The following LMO1 variants were observed in gnomAD, a reference collection of about 807,000 sequenced individuals.
The protein encoded by LMO1 is rhombotin-1.
Under a neutral mutation model 18.0 loss-of-function variants are expected in LMO1, and 10 were observed. The observed-to-expected ratio is 0.55, with a 90% CI of 0.34 to 0.94. LMO1 has a LOEUF of 0.94. Among genes scored for constraint, LMO1 ranks in the 40% least tolerant of loss-of-function variants. The pLI is 0.02. For synonymous variants in LMO1, 77 were observed against 77.9 expected (o/e 0.99, Z 0.06); for missense variants, 183 against 205.7 (o/e 0.89, Z 0.68).
chr11:8,261,720 T>C (rs7926148), intron 1 of LMO1, among the ~76,000 whole-genome samples: 3,357 of 152,174 alleles, frequency 0.022, 110 homozygotes, highest in African/African-American at 0.072. Context: ...CATGGGGAGT[T>C]CGTGATGAAA....
upstream of LMO1, among the ~76,000 whole-genome samples, chr11:8,264,852 C>T (rs753776261): frequency 5.1e-4 from 77 of 152,122 alleles, no homozygotes; most frequent in Non-Finnish European, 9.3e-4. Flanking sequence ...AGGCTGGTCT[C>T]GAACTCCTGA....
chr11:8,262,144 G>A (rs140029543), intron 1 of LMO1, among the ~76,000 whole-genome samples: 1 of 152,348 alleles, frequency 6.6e-6, no homozygotes, highest in African/African-American at 2.4e-5. Flanking sequence ...CGCTGCCCCA[G>A]GGACAGAGGG....
intron 1 of LMO1, among the ~76,000 whole-genome samples, chr11:8,263,080 C>T (rs1003538593): frequency 2.0e-5 from 3 of 151,766 alleles, no homozygotes; most frequent in African/African-American, 7.2e-5. Flanking sequence ...CACAGCTCCT[C>T]GGCTCGCGGC....
intron 1 of LMO1, among the ~76,000 whole-genome samples, chr11:8,252,539 A>C (rs1269763985): frequency 1.3e-5 from 2 of 152,252 alleles, no homozygotes; most frequent in African/African-American, 4.8e-5. Flanking sequence ...AACACAGCAA[A>C]GGTGATGGAA....
chr11:8,250,984 G>C (rs1318862119), intron 1 of LMO1, among the ~76,000 whole-genome samples: 1 of 152,144 alleles, frequency 6.6e-6, no homozygotes, highest in Non-Finnish European at 1.5e-5. Context: ...CTTCCACCTG[G>C]ATTCGAGTGT....
intron 1 of LMO1, among the ~76,000 whole-genome samples, chr11:8,242,151 G>A (rs1590542966): frequency 6.6e-6 from 1 of 152,174 alleles, no homozygotes; most frequent in Non-Finnish European, 1.5e-5. Flanking sequence ...CTGGGTCATG[G>A]CTGCCACAAT....
intron 1 of LMO1, among the ~76,000 whole-genome samples, chr11:8,239,520 C>G (rs1379032471): frequency 2.0e-5 from 3 of 152,028 alleles, no homozygotes; most frequent in Non-Finnish European, 4.4e-5. Flanking sequence ...TTGAGAAGGA[C>G]AAAGAAGCCT....
chr11:8,227,525 C>G (rs1952570436), intron 2 of LMO1, among the ~76,000 whole-genome samples: 1 of 152,212 alleles, frequency 6.6e-6, no homozygotes, highest in African/African-American at 2.4e-5. Context: ...ATCTGTAAAA[C>G]AAAGCCTGAA....
At chr11:8,266,205 G>A (rs1188728865), upstream of LMO1, among the ~76,000 whole-genome samples, 4 of 152,196 alleles carry the variant, frequency 2.6e-5, no homozygotes, top group African/African-American at 9.7e-5. Flanking sequence ...GATCTGGAGA[G>A]GAACCTTCAC....
chr11:8,245,779 TG>T (rs1846883601), intron 1 of LMO1, among the ~76,000 whole-genome samples: 1 of 152,236 alleles, frequency 6.6e-6, no homozygotes, highest in Non-Finnish European at 1.5e-5. Context: ...TTTCTTGTGT[TG>T]CTATAAAGAC....
At chr11:8,248,998 G>T (rs540370866) in intron 1 of LMO1, among the ~76,000 whole-genome samples, 2 of 152,348 alleles carry the variant, frequency 1.3e-5, no homozygotes, top group East Asian at 3.9e-4. Context: ...GGACAAAGCT[G>T]GGCAAGGACA....
intron 1 of LMO1, among the ~76,000 whole-genome samples, chr11:8,235,557 A>G (rs1952747664): frequency 6.6e-6 from 1 of 152,220 alleles, no homozygotes. Flanking sequence ...CTTCAAAAAT[A>G]TCTTTTATGG....
chr11:8,263,396 C>G lies in LMO1; in HGVS notation c.-34G>C, dbSNP rs368860054. The G allele has an allele frequency of 1.3e-6, 2 of 1,598,292 alleles. No individual in the cohort carries two copies. ...CTCCGTGTCCAGCCGCAGCTAGGCTCGGCCGGGAGAAGGGCGCCGACTCGG... is the reference window on the plus strand; with the variant it reads ...CTCCGTGTCCAGCCGCAGCTAGGCTGGGCCGGGAGAAGGGCGCCGACTCGG... On this transcript the variant is annotated 5_prime_UTR_variant, in exon 1 of 4. Transcript: ENST00000335790.
In LMO1 at chr11:8,263,626, G is replaced by GA. The variant is rs1359830018; in HGVS notation, c.-265dup. ...CAATTTAGAGAGAGAGGGAGAGGGA[G>GA]AGAGAAGGGGGAAAAGAGGATCAGA... On this transcript the variant is annotated 5_prime_UTR_variant, in exon 1 of 4. Coordinates refer to ENST00000335790, the MANE Select transcript of LMO1 (RefSeq NM_002315.3). 4 of 1,351,074 alleles carry GA rather than the reference G, an allele frequency of 3.0e-6. No homozygotes were observed. In the African/African-American group the frequency reaches 4.6e-5, roughly 15 times the overall value. The allele number at this position is 1,351,074 out of a possible 1,614,324, so 83.7% of individuals were successfully genotyped here.
chr11:8,225,188 T>A (rs1399211058), intron 3 of LMO1, among the ~76,000 whole-genome samples: 9 of 151,220 alleles, frequency 6.0e-5, no homozygotes, highest in Non-Finnish European at 1.3e-4. Context: ...CTGAGGTGGG[T>A]GGATCACGAA....
At chr11:8,232,550 C>A (rs772878426) in intron 1 of LMO1, among the ~76,000 whole-genome samples, 25 of 152,166 alleles carry the variant, frequency 1.6e-4, no homozygotes, top group Non-Finnish European at 2.5e-4. Flanking sequence ...TGTCCTTAGG[C>A]CCTGTGCAGG....
chr11:8,259,020 T>C (rs543683291), intron 1 of LMO1, among the ~76,000 whole-genome samples: 1 of 152,266 alleles, frequency 6.6e-6, no homozygotes, highest in East Asian at 1.9e-4. Flanking sequence ...CTCCCGTGCC[T>C]CCCCTCGCTA....
At chr11:8,255,108 T>A (rs1847067684) in intron 1 of LMO1, among the ~76,000 whole-genome samples, 3 of 152,194 alleles carry the variant, frequency 2.0e-5, no homozygotes, top group African/African-American at 7.2e-5. Context: ...AATCTGCTTC[T>A]CCACCCTTTG....
At chr11:8,246,328 G>A (rs1415997607) in intron 1 of LMO1, among the ~76,000 whole-genome samples, 4 of 152,124 alleles carry the variant, frequency 2.6e-5, no homozygotes, top group Admixed American at 1.3e-4. Flanking sequence ...ATAAAACATG[G>A]TATATACATA....
Sources: gnomAD v4.1 joint callset for allele counts (sites outside exome capture counted in the v4.1 genomes callset) on GRCh38, gnomAD v4.1.1 for gene constraint, MANE v1.5 for transcripts, NCBI Gene and HGNC (gene_info 2026-07-23, HGNC 2026-07-21) for gene names.